The following LTBP4 variants were observed in gnomAD, a reference collection of about 807,000 sequenced individuals.
The protein encoded by LTBP4 is latent-transforming growth factor beta-binding protein 4.
LTBP4 carries 93 observed loss-of-function variants against 180.2 expected under a neutral mutation model. That is an observed-to-expected ratio of 0.52 (90% CI 0.44 to 0.61). The LOEUF is 0.61. Among genes scored for constraint, LTBP4 ranks in the 20% least tolerant of loss-of-function variants. The pLI is 0.00. For missense variants in LTBP4, 2,116 were observed against 2,256.5 expected, an observed-to-expected ratio of 0.94 and a Z score of 1.26; for synonymous variants, 947 against 934.5, an observed-to-expected ratio of 1.01 and a Z score of -0.24.
intron 24 of LTBP4, 96 bp downstream of exon 24, chr19:40,623,117 T>A: frequency 1.2e-6 from 1 of 866,804 alleles, no homozygotes; most frequent in Non-Finnish European, 1.7e-6. Flanking sequence ...CCTTTCTGTT[T>A]CTCTGTATCT....
chr19:40,601,952 G>A (rs1306890849), intron 1 of LTBP4, among the ~76,000 whole-genome samples: 1 of 151,872 alleles, frequency 6.6e-6, no homozygotes, highest in African/African-American at 2.4e-5. Context: ...TTTTGGGAGG[G>A]GGGCTCGAAT....
intron 21 of LTBP4, among the ~76,000 whole-genome samples, chr19:40,618,211 G>GCACAC (rs1415818872): frequency 6.6e-6 from 1 of 151,136 alleles, no homozygotes; most frequent in East Asian, 1.9e-4. Context: ...GCTACCACAG[G>GCACAC]CACACGCAAC....
At chr19:40,618,512 T>C (rs1167148161) in intron 21 of LTBP4, among the ~76,000 whole-genome samples, 1 of 152,090 alleles carries the variant, frequency 6.6e-6, no homozygotes, top group East Asian at 1.9e-4. Flanking sequence ...CCGCCCACCG[T>C]GGCCTCCTAA....
intron 22 of LTBP4, among the ~76,000 whole-genome samples, chr19:40,621,604 G>A (rs2081586714): frequency 2.0e-5 from 3 of 152,110 alleles, no homozygotes; most frequent in Admixed American, 2.0e-4. Flanking sequence ...GCTGGGGCAG[G>A]GGCCTGGACA....
At position 40,622,685 on chromosome 19, in the gene LTBP4, G is replaced by A. The variant is rs556347129; in HGVS notation, c.3484+18G>A. ...CGAGACAGGTGGGCATGGGCTGATG[G>A]GGACACAGGGCTGAGGGCTTGGGTG... is the stretch of plus-strand genomic sequence containing the variant. On this transcript the variant is annotated intron_variant, in intron 23 of 29. Coordinates refer to ENST00000396819, the MANE Select transcript of LTBP4 (RefSeq NM_001042545.2). This position sits in a 1 kb window ranked among gnomAD's most constrained non-coding sequence, Gnocchi z 5.1. 103 of 1,589,786 alleles carry A rather than the reference G, an allele frequency of 6.5e-5. 1 individual carries two copies. In the East Asian group the frequency reaches 2.2e-3, roughly 34 times the overall value.
In LTBP4 at chr19:40,623,975, G is replaced by A; in HGVS notation, c.3725G>A (p.Gly1242Asp). The A allele has an allele frequency of 6.2e-7, 1 of 1,613,864 alleles. No individual in the cohort carries two copies. The highest frequency in any genetic ancestry group is 8.5e-7 in the Non-Finnish European group (1 of 1,179,850). The change falls in exon 26 of 30, where the codon GGC becomes GAC. Residue 1242 changes from glycine to aspartate, a missense_variant. Coordinates refer to ENST00000396819, the MANE Select transcript of LTBP4 (RefSeq NM_001042545.2). ...ECADEEPACE[G>D]GRCVNTVGSY... is the part of the protein sequence containing the mutation. Reference sequence around the variant, plus strand: ...GCCGATGAGGAACCGGCCTGTGAGGGCGGCCGCTGTGTCAACACTGTGGGC... The same window carrying A: ...GCCGATGAGGAACCGGCCTGTGAGGACGGCCGCTGTGTCAACACTGTGGGC...
At position 40,623,623 on chromosome 19, in the gene LTBP4, C is replaced by T. The variant is rs781172481; in HGVS notation, c.3576C>T (p.Leu1192=). 2 of 1,613,624 alleles carry T rather than the reference C, an allele frequency of 1.2e-6. No individual in the cohort carries two copies. Among genetic ancestry groups the T allele is most frequent in the Non-Finnish European group, 1.7e-6 (2 of 1,179,840 alleles). Residue 1192 remains leucine, a synonymous_variant, in exon 25 of 30, where the codon CTC becomes CTT. Transcript: ENST00000396819. Reference sequence around the variant, plus strand: ...GCACAGACGTGGACGAATGTCAGCTCTTCCGAGACCAGGTGTGCAAGAGTG... The same window carrying T: ...GCACAGACGTGGACGAATGTCAGCTTTTCCGAGACCAGGTGTGCAAGAGTG... ...SLRRDVDECQ[L]FRDQVCKSGV...
At position 40,623,953 on chromosome 19, in the gene LTBP4, G is replaced by C. The variant is rs752245994; in HGVS notation, c.3703G>C (p.Asp1235His). 1.9e-6 allele frequency: 3 copies of C among 1,613,946 alleles called. No individual in the cohort carries two copies. Among genetic ancestry groups the C allele is most frequent in the Non-Finnish European group, 2.5e-6 (3 of 1,179,860 alleles). The change falls in exon 26 of 30, where the codon GAT becomes CAT. Residue 1235 changes from aspartate (D) to histidine (H), a missense_variant. Physicochemically the swap from Asp to His is moderately conservative, Grantham distance 81 (BLOSUM62 -1). Coordinates refer to ENST00000396819, the MANE Select transcript of LTBP4 (RefSeq NM_001042545.2). ...CTCCCTAGACAATGACGAGTGCGCC[G>C]ATGAGGAACCGGCCTGTGAGGGCGG... ...LECIDNDECADEEPACEGGRC... is the reference protein window; with the variant it reads ...LECIDNDECAHEEPACEGGRC...
chr19:40,595,307 A>G (rs1353572782), intron 1 of LTBP4, among the ~76,000 whole-genome samples: 3 of 152,106 alleles, frequency 2.0e-5, no homozygotes, highest in African/African-American at 7.2e-5. Context: ...CCTTGAATTT[A>G]TAATGATCTT....
In LTBP4 at chr19:40,605,738, C is replaced by A; in HGVS notation, c.700C>A (p.Pro234Thr). The stretch of plus-strand genomic sequence containing the variant: ...CAACACTTCCCCGCAGTGCGCGTCC[C>A]CGCTGCCCGGGCTCCGGACGCAGGA... ...RELRGGECAS[P>T]LPGLRTQEVC... Residue 234 changes from proline to threonine, a missense_variant, in exon 4 of 30, where the codon CCG becomes ACG. This residue lies in a region of LTBP4 where 469 missense variants were observed against 532.5 expected (regional missense o/e 0.88). Coordinates refer to ENST00000396819, the MANE Select transcript of LTBP4 (RefSeq NM_001042545.2). The surrounding 1 kb of genome is among the most constrained non-coding windows in gnomAD (Gnocchi z 5.5). 6.5e-7 allele frequency: 1 copy of A among 1,545,812 alleles called. No individual in the cohort carries two copies. The highest frequency in any genetic ancestry group is 8.7e-7 in the Non-Finnish European group (1 of 1,146,544).
At position 40,623,077 on chromosome 19, in the gene LTBP4, C is replaced by T. The variant is rs2081598021; in HGVS notation, c.3556+56C>T. 4.3e-6 allele frequency: 6 copies of T among 1,404,136 alleles called. No individual in the cohort carries two copies. The South Asian group carries it at 6.8e-5, about 16-fold the overall frequency. 87.0% of individuals were successfully genotyped at this position (1,404,136 alleles called of 1,614,324 possible). On this transcript the variant is annotated intron_variant, in intron 24 of 29. Transcript: ENST00000396819. ...TCAGCTCTGAGGCCCAGCTTCGTCTCTTCCTGTTTTCTTTGCCTCTGTCTC... is the reference window on the plus strand; with the variant it reads ...TCAGCTCTGAGGCCCAGCTTCGTCTTTTCCTGTTTTCTTTGCCTCTGTCTC...
Position 40,609,888 on chromosome 19 carries a change from A to C in LTBP4, c.1684+17A>C. ...AATGCCTGGGTGAGAAATTTGCCCC[A>C]CCCGGCTCCAGGCCCACCCCAGGGT... is the stretch of plus-strand genomic sequence containing the variant. On this transcript the variant is annotated intron_variant, in intron 11 of 29. Transcript: ENST00000396819. This position sits in a 1 kb window ranked among gnomAD's most constrained non-coding sequence, Gnocchi z 4.9. 2 of 1,514,576 alleles carry C rather than the reference A, an allele frequency of 1.3e-6. No individual in the cohort carries two copies. Among genetic ancestry groups the C allele is most frequent in the Non-Finnish European group, 1.8e-6 (2 of 1,128,156 alleles). The allele number at this position is 1,514,576 out of a possible 1,614,324, so 93.8% of individuals were successfully genotyped here.
intron 5 of LTBP4, 42 bp downstream of exon 5, chr19:40,606,349 G>A: frequency 1.2e-6 from 2 of 1,601,802 alleles, no homozygotes; most frequent in Non-Finnish European, 1.7e-6. Context: ...TTCTGGGGGC[G>A]GGATTTGCAG....
At chr19:40,619,641 G>A (rs1188676867) in intron 22 of LTBP4, 148 bp downstream of exon 22, 4 of 911,746 alleles carry the variant, frequency 4.4e-6, no homozygotes, top group Non-Finnish European at 6.4e-6. Context: ...CATGGGTAGT[G>A]AGACTGTGTC....
In LTBP4 at chr19:40,626,831, A is replaced by C. The variant is rs190390510; in HGVS notation, c.3986-144A>C. ...TCCGAATCCCAGTCTCAGCCTTCAG[A>C]TTCTCAGCGCTGGCTCCAGAAACCC... is the stretch of plus-strand genomic sequence containing the variant. On this transcript the variant is annotated intron_variant, in intron 27 of 29. Coordinates refer to ENST00000396819, the MANE Select transcript of LTBP4 (RefSeq NM_001042545.2). 2.2e-4 allele frequency: 220 copies of C among 1,001,194 alleles called. 3 individuals are homozygous for C. The African/African-American group carries it at 3.4e-3, about 16-fold the overall frequency. 62.0% of individuals were successfully genotyped at this position (1,001,194 alleles called of 1,614,324 possible).
intron 6 of LTBP4, 83 bp from the exon 7 acceptor site, chr19:40,607,278 CCAGA>C: frequency 4.5e-6 from 5 of 1,119,222 alleles, no homozygotes; most frequent in South Asian, 1.4e-5. Flanking sequence ...ACCCCCAACC[CCAGA>C]ACCATTCCCC....
chr19:40,628,422 C>T (rs994872033), intron 29 of LTBP4, among the ~76,000 whole-genome samples: 1 of 152,086 alleles, frequency 6.6e-6, no homozygotes, highest in African/African-American at 2.4e-5. Context: ...GTAATCCCAG[C>T]TACTCGGGAG....
chr19:40,622,564 C>T lies in LTBP4; in HGVS notation c.3381C>T (p.Asp1127=). ...YFDTAAPDAC[D]NILARNVTWQ... ...ACACAGCGGCCCCGGATGCATGTGA[C>T]AACATCCTGGCTCGGAATGTGACAT... Residue 1127 remains aspartate, a synonymous_variant, in exon 23 of 30, where the codon GAC becomes GAT. Coordinates refer to ENST00000396819, the MANE Select transcript of LTBP4 (RefSeq NM_001042545.2). The surrounding 1 kb of genome is among the most constrained non-coding windows in gnomAD (Gnocchi z 5.1). 6.2e-7 allele frequency: 1 copy of T among 1,613,908 alleles called. No homozygotes were observed. The highest frequency in any genetic ancestry group is 8.5e-7 in the Non-Finnish European group (1 of 1,179,872).
rs532493551 is a variant in LTBP4 at position 40,614,204 on chromosome 19, C to T, written c.2681-111C>T. 4.8e-6 allele frequency: 7 copies of T among 1,462,170 alleles called. No individual in the cohort carries two copies. The African/African-American group carries it at 6.9e-5, about 14-fold the overall frequency. 90.6% of individuals were successfully genotyped at this position (1,462,170 alleles called of 1,614,324 possible). ...TCTCCTCTACCCCAATCTTCTCCTG[C>T]CCTCTCCTCTGCTTCCCCGGCCTCC... On this transcript the variant is annotated intron_variant, in intron 18 of 29. Coordinates refer to ENST00000396819, the MANE Select transcript of LTBP4 (RefSeq NM_001042545.2).
Sources: allele counts gnomAD v4.1 joint callset (sites outside exome capture counted in the v4.1 genomes callset), GRCh38; gene constraint gnomAD v4.1.1; regional missense constraint gnomAD v4.1.1; non-coding constraint Gnocchi (gnomAD v3.1); transcripts MANE v1.5; gene names NCBI Gene and HGNC (gene_info 2026-07-23, HGNC 2026-07-21).